FCRL3: variants seen among roughly 807,000 people sequenced by gnomAD.
The protein encoded by FCRL3 is Fc receptor like 3.
A neutral mutation model predicts 75.0 loss-of-function variants in FCRL3; 89 were observed. The ratio of observed to expected loss-of-function variants is 1.19; its 90% CI spans 1.00 to 1.42. The LOEUF is 1.42. FCRL3 is among the 40% of genes most tolerant of loss of function. FCRL3 has a pLI of 0.00. For missense variants in FCRL3, 946 were observed against 880.0 expected (o/e 1.07, Z -0.95); for synonymous variants, 376 against 348.5 (o/e 1.08, Z -0.88).
chr1:157,690,473 T>A lies in FCRL3; in HGVS notation c.1472A>T (p.Asp491Val). ...GGACTCACAGTGAAGCTCCAGCAGG[T>A]CCCCCACCACAGCCTGGGCCCCGGG... ...RAPGAQAVVGDLLELHCESLR... is the reference protein window; with the variant it reads ...RAPGAQAVVGVLLELHCESLR... The change falls in exon 9 of 15, where the codon GAC becomes GTC. Residue 491 changes from aspartate (D) to valine (V), a missense_variant. Physicochemically the swap from Asp to Val is radical, Grantham distance 152 (BLOSUM62 -3). Coordinates refer to ENST00000368184, the MANE Select transcript of FCRL3 (RefSeq NM_052939.4). 6.2e-7 allele frequency: 1 copy of A among 1,613,832 alleles called. No individual in the cohort carries two copies. Among genetic ancestry groups the A allele is most frequent in the Non-Finnish European group, 8.5e-7 (1 of 1,179,960 alleles).
At position 157,696,085 on chromosome 1, in the gene FCRL3, C is replaced by T. The variant is rs560196456; in HGVS notation, c.1087G>A (p.Val363Ile). The part of the protein sequence containing the change: ...AGRYYCAADN[V>I]HSPILSTWIR... ...CACGTGCTGAGGATGGGGCTGTGAA[C>T]GTTATCAGCTGCACAGTAGTATCTC... The change falls in exon 7 of 15, where the codon GTT (valine) becomes ATT (isoleucine). Residue 363 changes from valine to isoleucine, a missense_variant. Physicochemically the swap from Val to Ile is conservative, Grantham distance 29. Coordinates refer to ENST00000368184, the MANE Select transcript of FCRL3 (RefSeq NM_052939.4). 56 of 1,613,294 alleles carry T rather than the reference C, an allele frequency of 3.5e-5. No homozygotes were observed. Among genetic ancestry groups the T allele is most frequent in the South Asian group, 7.7e-5 (7 of 91,004 alleles).
chr1:157,686,992 T>A (rs1175645151), intron 10 of FCRL3, among the ~76,000 whole-genome samples: 3 of 151,872 alleles, frequency 2.0e-5, no homozygotes, highest in Non-Finnish European at 2.9e-5. Context: ...ATCAACAGAG[T>A]AAACAGGCAA....
At chr1:157,679,828 CACAAAA>C (rs1185173930) in intron 13 of FCRL3, among the ~76,000 whole-genome samples, 315 of 27,904 alleles carry the variant, frequency 0.011, 6 homozygotes, top group South Asian at 0.019. Context: ...GACCCCATCT[CACAAAA>C]AAAAAAAAAA....
chr1:157,679,210 A>C (rs1654663445), intron 13 of FCRL3: 2 of 581,142 alleles, frequency 3.4e-6, no homozygotes, highest in African/African-American at 3.7e-5. Context: ...TAGAAAAAGT[A>C]CTGCCCCAAG....
At chr1:157,699,474 A>G (rs1656169424) in intron 3 of FCRL3, among the ~76,000 whole-genome samples, 1 of 151,220 alleles carries the variant, frequency 6.6e-6, no homozygotes, top group Admixed American at 6.6e-5. Context: ...TCCTTCCTGT[A>G]GTCTGAGGAA....
Position 157,687,442 on chromosome 1 carries a change from C to T in FCRL3, c.1810+2356G>A, listed in dbSNP as rs763956414. ...CTAGTAATTCTGTTATTGGTATACG[C>T]TCACAAAAAAATAAATCATTCTGTC... On this transcript the variant is annotated intron_variant, in intron 10 of 14. Coordinates refer to ENST00000368184, the MANE Select transcript of FCRL3 (RefSeq NM_052939.4). 4.2e-4 allele frequency among the ~76,000 whole-genome samples: 48 copies of T among 113,654 alleles called. 2 individuals carry two copies. Among genetic ancestry groups the T allele is most frequent in the Admixed American group, 2.0e-3 (17 of 8,356 alleles). 74.6% of individuals were successfully genotyped at this position (113,654 alleles called of 152,430 possible).
chr1:157,696,116 A>G lies in FCRL3; in HGVS notation c.1056T>C (p.Asp352=), dbSNP rs1210179458. The change falls in exon 7 of 15, where the codon GAT becomes GAC. Residue 352 remains aspartate (D), a synonymous_variant. Coordinates refer to ENST00000368184, the MANE Select transcript of FCRL3 (RefSeq NM_052939.4). ...ELHVLTVKES[D]AGRYYCAADN... ...CAGCTGCACAGTAGTATCTCCCTGCATCACTCTCCTTCACGGTGAGAACAT... is the reference window on the plus strand; with the variant it reads ...CAGCTGCACAGTAGTATCTCCCTGCGTCACTCTCCTTCACGGTGAGAACAT... 3 of 1,613,764 alleles carry G rather than the reference A, an allele frequency of 1.9e-6. No homozygotes were observed. The highest frequency in any genetic ancestry group is 2.2e-5 in the South Asian group (2 of 91,032).
At chr1:157,698,085 G>T in intron 4 of FCRL3, 166 bp from the exon 5 acceptor site, 1 of 800,322 alleles carries the variant, frequency 1.2e-6, no homozygotes, top group Non-Finnish European at 1.9e-6. Flanking sequence ...CCCTACAAGG[G>T]TGAACCAATT....
chr1:157,698,343 C>G, intron 4 of FCRL3, 41 bp downstream of exon 4: 1 of 1,610,436 alleles, frequency 6.2e-7, no homozygotes, highest in Non-Finnish European at 8.5e-7. Context: ...AGGCATTCTG[C>G]CTGGTGGCTT....
intron 8 of FCRL3, among the ~76,000 whole-genome samples, chr1:157,692,928 A>G (rs1455729086): frequency 1.3e-5 from 2 of 152,184 alleles, no homozygotes; most frequent in African/African-American, 4.8e-5. Flanking sequence ...GCACCTTTAA[A>G]AATCCATGGA....
Position 157,697,440 on chromosome 1 carries a change from A to G in FCRL3, c.560-16T>C. The G allele has an allele frequency of 6.5e-7, 1 of 1,528,492 alleles. No individual in the cohort carries two copies. Among genetic ancestry groups the G allele is most frequent in the Non-Finnish European group, 8.8e-7 (1 of 1,142,656 alleles). The allele number at this position is 1,528,492 out of a possible 1,614,324, so 94.7% of individuals were successfully genotyped here. A position where few individuals can be genotyped will look rare whatever the true frequency, so the allele number is the denominator to read the frequency against. On this transcript the variant is annotated splice_polypyrimidine_tract_variant and intron_variant, in intron 5 of 14. Coordinates refer to ENST00000368184, the MANE Select transcript of FCRL3 (RefSeq NM_052939.4). Reference sequence around the variant, plus strand: ...AGAAACAGCTCTAATGAAAAGAAACAACATAGTCTCCAGGGTGGTGAGGCT... The same window carrying G: ...AGAAACAGCTCTAATGAAAAGAAACGACATAGTCTCCAGGGTGGTGAGGCT...
intron 7 of FCRL3, 111 bp from the exon 8 acceptor site, chr1:157,695,718 T>C: frequency 8.1e-7 from 1 of 1,233,720 alleles, no homozygotes; most frequent in South Asian, 1.6e-5. Context: ...TGTTTCTGTT[T>C]CCCCACTGAT....
Position 157,690,379 on chromosome 1 carries a change from G to C in FCRL3, c.1566C>G (p.Ala522=), listed in dbSNP as rs769525001. 9 of 1,614,192 alleles carry C rather than the reference G, an allele frequency of 5.6e-6. No individual in the cohort carries two copies. Among genetic ancestry groups the C allele is most frequent in the Non-Finnish European group, 7.6e-6 (9 of 1,180,044 alleles). Residue 522 remains alanine (A), a synonymous_variant, in exon 9 of 15, where the codon GCC becomes GCG. Coordinates refer to ENST00000368184, the MANE Select transcript of FCRL3 (RefSeq NM_052939.4). ...HEDDTLGNIS[A]HSGGGASFNL... ...TGAAGGATGCCCCTCCTCCAGAGTGGGCCGAGATGTTCCCCAAGGTGTCAT... is the reference window on the plus strand; with the variant it reads ...TGAAGGATGCCCCTCCTCCAGAGTGCGCCGAGATGTTCCCCAAGGTGTCAT...
At chr1:157,694,331 T>C (rs1437469364) in intron 8 of FCRL3, among the ~76,000 whole-genome samples, 2 of 152,074 alleles carry the variant, frequency 1.3e-5, no homozygotes, top group African/African-American at 4.8e-5. Flanking sequence ...AAGACTCGAG[T>C]CTCTGTTTCA....
chr1:157,697,698 T>G lies in FCRL3; in HGVS notation c.520A>C (p.Ile174Leu). 6.2e-7 allele frequency: 1 copy of G among 1,614,002 alleles called. No homozygotes were observed. Among genetic ancestry groups the G allele is most frequent in the Non-Finnish European group, 8.5e-7 (1 of 1,179,908 alleles). Residue 174 changes from isoleucine (I) to leucine (L), a missense_variant, in exon 5 of 15, where the codon ATT becomes CTT. Ile to Leu is a conservative substitution (Grantham distance 5). Transcript: ENST00000368184. ...TTTAGGGGTTTTGAAGTTACTTCAA[T>G]GTCAAGTATGTAAAACTTCCTATAA... ...TAYRKFYILDIEVTSKPLNIQ... is the reference protein window; with the variant it reads ...TAYRKFYILDLEVTSKPLNIQ...
In FCRL3 at chr1:157,690,362, G is replaced by A; in HGVS notation, c.1583C>T (p.Ala528Val). The change falls in exon 9 of 15, where the codon GCA becomes GTA. Residue 528 changes from alanine (A) to valine (V), a missense_variant. Physicochemically the swap from Ala to Val is moderately conservative, Grantham distance 64. Coordinates refer to ENST00000368184, the MANE Select transcript of FCRL3 (RefSeq NM_052939.4). ...GNISAHSGGG[A>V]SFNLSLTTEH... ...TGTAGTCAGAGAGAGGTTGAAGGATGCCCCTCCTCCAGAGTGGGCCGAGAT... is the reference window on the plus strand; with the variant it reads ...TGTAGTCAGAGAGAGGTTGAAGGATACCCCTCCTCCAGAGTGGGCCGAGAT... 1.2e-6 allele frequency: 2 copies of A among 1,614,208 alleles called. No individual in the cohort carries two copies. The highest frequency in any genetic ancestry group is 1.7e-6 in the Non-Finnish European group (2 of 1,180,038).
intron 10 of FCRL3, among the ~76,000 whole-genome samples, chr1:157,685,182 T>C (rs1655099579): frequency 6.6e-6 from 1 of 151,742 alleles, no homozygotes; most frequent in South Asian, 2.1e-4. Context: ...TAGTATGTTA[T>C]AGATTAGAAA....
At position 157,683,256 on chromosome 1, in the gene FCRL3, A is replaced by G. The variant is rs762984348; in HGVS notation, c.1811-12T>C. On this transcript the variant is annotated splice_polypyrimidine_tract_variant and intron_variant, in intron 10 of 14. Coordinates refer to ENST00000368184, the MANE Select transcript of FCRL3 (RefSeq NM_052939.4). ...GGCAGAAAGTCCTCCTGCAAAACAA[A>G]CAAAGGAAGGTTGGTGGTAAGTGAG... 2 of 1,613,620 alleles carry G rather than the reference A, an allele frequency of 1.2e-6. No homozygotes were observed. The highest frequency in any genetic ancestry group is 1.7e-6 in the Non-Finnish European group (2 of 1,179,772).
intron 8 of FCRL3, among the ~76,000 whole-genome samples, chr1:157,693,707 C>G (rs960289922): frequency 6.6e-6 from 1 of 150,802 alleles, no homozygotes; most frequent in African/African-American, 2.4e-5. Flanking sequence ...TTCCTTCCTT[C>G]CTCCCTTCCT....
Sources: allele counts gnomAD v4.1 joint callset (sites outside exome capture counted in the v4.1 genomes callset), GRCh38; gene constraint gnomAD v4.1.1; transcripts MANE v1.5; gene names NCBI Gene and HGNC (gene_info 2026-07-23, HGNC 2026-07-21).